SLA2: variants seen among roughly 807,000 people sequenced by gnomAD.
SLA2 encodes the protein src-like-adapter 2.
In SLA2, 22 loss-of-function variants were observed where a neutral mutation model predicts 27.3. The ratio of observed to expected loss-of-function variants is 0.81; its 90% CI spans 0.58 to 1.15. SLA2 has a LOEUF of 1.15. SLA2 is among the 50% of genes most tolerant of loss of function. The probability of loss-of-function intolerance (pLI) is 0.00; values close to 1 mark genes in which losing one functional copy is unlikely to be tolerated. For missense variants in SLA2, 304 were observed against 322.2 expected (o/e 0.94, Z 0.43); for synonymous variants, 131 against 137.8 (o/e 0.95, Z 0.34).
At chr20:36,622,395 G>A (rs1284503538) in intron 5 of SLA2, among the ~76,000 whole-genome samples, 2 of 146,308 alleles carry the variant, frequency 1.4e-5, no homozygotes, top group East Asian at 4.0e-4. Flanking sequence ...ACGATCACCT[G>A]AAAAAATGCA....
intron 2 of SLA2, among the ~76,000 whole-genome samples, chr20:36,636,391 G>A (rs1286901081): frequency 3.7e-5 from 5 of 136,446 alleles, no homozygotes; most frequent in Admixed American, 7.6e-5. Flanking sequence ...ACTGCAGTCC[G>A]CAGTCCAGCC....
chr20:36,615,935 A>G (rs2039204811), intron 5 of SLA2, among the ~76,000 whole-genome samples: 1 of 152,232 alleles, frequency 6.6e-6, no homozygotes, highest in Non-Finnish European at 1.5e-5. Context: ...AGTAGAATAA[A>G]TTGTGGATTA....
At chr20:36,615,140 G>T (rs2039193319) in intron 6 of SLA2, 85 bp downstream of exon 6, 1 of 1,593,012 alleles carries the variant, frequency 6.3e-7, no homozygotes, top group Admixed American at 1.7e-5. Flanking sequence ...ATACTCCACA[G>T]TAGGTAAAAT....
In SLA2 at chr20:36,613,732, G is replaced by A; in HGVS notation, c.*134C>T. ...AAGAGAGGAAAGAGCAAGGGTACAG[G>A]TGGGACCCTAGATGCACCTCTGTGT... On this transcript the variant is annotated 3_prime_UTR_variant, in exon 8 of 8. Coordinates refer to ENST00000262866, the MANE Select transcript of SLA2 (RefSeq NM_032214.4). 9.0e-7 allele frequency: 1 copy of A among 1,107,260 alleles called. No individual in the cohort carries two copies. The highest frequency in any genetic ancestry group is 1.5e-5 in the South Asian group (1 of 64,636). 68.6% of individuals were successfully genotyped at this position (1,107,260 alleles called of 1,614,324 possible). A position where few individuals can be genotyped will look rare whatever the true frequency, so the allele number is the denominator to read the frequency against.
At chr20:36,631,838 C>T (rs2039395800) in intron 5 of SLA2, among the ~76,000 whole-genome samples, 1 of 152,188 alleles carries the variant, frequency 6.6e-6, no homozygotes, top group Non-Finnish European at 1.5e-5. Context: ...GAAGCATTTG[C>T]TGAATGAATG....
At chr20:36,614,639 G>C (rs1009631271) in intron 6 of SLA2, 14 of 985,310 alleles carry the variant, frequency 1.4e-5, no homozygotes, top group South Asian at 1.4e-4. Context: ...GACAGTCACT[G>C]TATGATTTAG....
chr20:36,616,541 G>T (rs908979999), intron 5 of SLA2, among the ~76,000 whole-genome samples: 1 of 151,844 alleles, frequency 6.6e-6, no homozygotes, highest in Non-Finnish European at 1.5e-5. Context: ...CACCATATTT[G>T]CCAGGCTGGT....
intron 5 of SLA2, chr20:36,621,432 G>C (rs1427730933): frequency 1.9e-6 from 1 of 525,350 alleles, no homozygotes; most frequent in East Asian, 4.7e-5. Context: ...AAAAACAGCA[G>C]AAAAAGGCTA....
chr20:36,624,879 T>A (rs1350285268), intron 5 of SLA2, among the ~76,000 whole-genome samples: 1 of 151,986 alleles, frequency 6.6e-6, no homozygotes, highest in Non-Finnish European at 1.5e-5. Flanking sequence ...TCACTAGGGG[T>A]GATGAGGAGG....
Position 36,628,267 on chromosome 20 carries a change from C to T in SLA2, c.382+4328G>A, listed in dbSNP as rs6101517. Among the ~76,000 whole-genome samples the T allele has an allele frequency of 6.2e-3, 949 of 152,290 alleles. 10 individuals are homozygous for T. Among genetic ancestry groups the T allele is most frequent in the African/African-American group, 0.021 (893 of 41,550 alleles). On this transcript the variant is annotated intron_variant, in intron 5 of 7. Coordinates refer to ENST00000262866, the MANE Select transcript of SLA2 (RefSeq NM_032214.4). Reference sequence around the variant, plus strand: ...TGGGCCCCTAGAGTCACTGTGGTGTCAAACCACAGTATAAAAGTTTACACT... The same window carrying T: ...TGGGCCCCTAGAGTCACTGTGGTGTTAAACCACAGTATAAAAGTTTACACT...
At position 36,625,738 on chromosome 20, in the gene SLA2, G is replaced by C. The variant is rs559814891; in HGVS notation, c.382+6857C>G. ...GCTACTCAAGAAGCTGAGGTGGGAG[G>C]ATCACTTGAGCCCACAAGTTCAAGA... On this transcript the variant is annotated intron_variant, in intron 5 of 7. Transcript: ENST00000262866. Among the ~76,000 whole-genome samples the C allele has an allele frequency of 4.0e-5, 6 of 149,480 alleles. No individual in the cohort carries two copies. The South Asian group carries it at 1.3e-3, about 31-fold the overall frequency.
chr20:36,622,919 G>A (rs186591642), intron 5 of SLA2, among the ~76,000 whole-genome samples: 1 of 152,130 alleles, frequency 6.6e-6, no homozygotes, highest in South Asian at 2.1e-4. Flanking sequence ...ATTGTTGGGG[G>A]GGATGATGAT....
chr20:36,619,220 GAAA>G (rs60021707), intron 5 of SLA2, among the ~76,000 whole-genome samples: 52 of 71,288 alleles, frequency 7.3e-4, no homozygotes, highest in African/African-American at 2.2e-3. Context: ...GACTCTGGGG[GAAA>G]AAAAAAAAAA....
intron 5 of SLA2, 67 bp from the exon 6 acceptor site, chr20:36,615,441 A>T: frequency 6.3e-7 from 1 of 1,598,296 alleles, no homozygotes; most frequent in Non-Finnish European, 8.5e-7. Context: ...CTAGGCTGGG[A>T]AACGAAGATA....
chr20:36,632,459 G>A, intron 5 of SLA2, 136 bp downstream of exon 5: 1 of 668,426 alleles, frequency 1.5e-6, no homozygotes, highest in East Asian at 2.7e-5. Flanking sequence ...CACGGAGCTG[G>A]GGCTCAGGAA....
chr20:36,625,455 C>G (rs951377245), intron 5 of SLA2, among the ~76,000 whole-genome samples: 1 of 152,076 alleles, frequency 6.6e-6, no homozygotes, highest in Admixed American at 6.5e-5. Context: ...GAACTCTGTC[C>G]TCAGGTGATT....
chr20:36,632,035 A>C (rs2039397813), intron 5 of SLA2, among the ~76,000 whole-genome samples: 1 of 152,146 alleles, frequency 6.6e-6, no homozygotes, highest in African/African-American at 2.4e-5. Flanking sequence ...TCTACTTCTA[A>C]GCAGGTGGCC....
rs2039425960 is a variant in SLA2, at chr20:36,634,603, C to G, written c.92-14G>C. 6.5e-7 allele frequency: 1 copy of G among 1,546,508 alleles called. No homozygotes were observed. The highest frequency in any genetic ancestry group is 8.9e-7 in the Non-Finnish European group (1 of 1,125,876). ...CCTTGCTTCTCTCTAGATGGAGGGA[C>G]AGAAATAGTCACCTACTTAGCTAGC... On this transcript the variant is annotated splice_polypyrimidine_tract_variant and intron_variant, in intron 2 of 7. Coordinates refer to ENST00000262866, the MANE Select transcript of SLA2 (RefSeq NM_032214.4).
At position 36,612,370 on chromosome 20, in the gene SLA2, A is replaced by T. The variant is rs1424888978; in HGVS notation, c.*1496T>A. On this transcript the variant is annotated 3_prime_UTR_variant, in exon 8 of 8. Coordinates refer to ENST00000262866, the MANE Select transcript of SLA2 (RefSeq NM_032214.4). Reference sequence around the variant, plus strand: ...TGATGCACCTCTGGATTCAGATGAAACATTAAATTGTCTTCCTCGATTCTC... The same window carrying T: ...TGATGCACCTCTGGATTCAGATGAATCATTAAATTGTCTTCCTCGATTCTC... 1.4e-6 allele frequency: 1 copy of T among 734,188 alleles called. No homozygotes were observed. Among genetic ancestry groups the T allele is most frequent in the Non-Finnish European group, 2.3e-6 (1 of 431,272 alleles). 45.5% of individuals were successfully genotyped at this position (734,188 alleles called of 1,614,324 possible).
Sources: gnomAD v4.1 joint callset for allele counts (sites outside exome capture counted in the v4.1 genomes callset) on GRCh38, gnomAD v4.1.1 for gene constraint, MANE v1.5 for transcripts, NCBI Gene and HGNC (gene_info 2026-07-23, HGNC 2026-07-21) for gene names.